Variants in PRRC2B observed in about 807,000 individuals in gnomAD.
The protein encoded by PRRC2B is proline rich coiled-coil 2B, also known as protein PRRC2B.
PRRC2B carries 68 observed loss-of-function variants against 242.3 expected under a neutral mutation model. That is an observed-to-expected ratio of 0.28 (90% CI 0.23 to 0.34). The LOEUF is 0.34. Ranked by LOEUF, PRRC2B falls within the 10% of genes least tolerant of loss-of-function variation. PRRC2B has a pLI of 1.00. For synonymous variants in PRRC2B, 1,228 were observed against 1,173.6 expected (o/e 1.05, Z -0.95); for missense variants, 2,835 against 2,954.8 (o/e 0.96, Z 0.94).
chr9:131,461,208 C>T (rs2131415994), intron 11 of PRRC2B, among the ~76,000 whole-genome samples: 1 of 152,322 alleles, frequency 6.6e-6, no homozygotes, highest in South Asian at 2.1e-4. Flanking sequence ...CTCCCTTGCA[C>T]ATATGCTCTC....
At chr9:131,451,341 A>G (rs913439984) in intron 9 of PRRC2B, among the ~76,000 whole-genome samples, 3 of 152,130 alleles carry the variant, frequency 2.0e-5, no homozygotes, top group Admixed American at 6.5e-5. Context: ...GGAGGTTGCA[A>G]TGAGCCAGGA....
At chr9:131,427,893 C>G (rs1456990232) in intron 1 of PRRC2B, among the ~76,000 whole-genome samples, 1 of 152,162 alleles carries the variant, frequency 6.6e-6, no homozygotes. Context: ...AAGTGATGAT[C>G]ACTTATACAA....
chr9:131,388,239 C>CTT lies in PRRC2B; in HGVS notation c.-56+14526_-56+14527dup, dbSNP rs536012324. On this transcript the variant is annotated intron_variant, in intron 1 of 1. Transcript: ENST00000682525. ...TTAATTTCATCAACTTTTACTTTTA[C>CTT]TTTTTTTTTTTTTTTTTTTAGATGG... Among the ~76,000 whole-genome samples, 97 of 121,096 alleles carry CTT rather than the reference C, an allele frequency of 8.0e-4. 1 individual carries two copies. The highest frequency in any genetic ancestry group is 2.7e-3 in the African/African-American group (93 of 33,896). 79.4% of individuals were successfully genotyped at this position (121,096 alleles called of 152,430 possible).
chr9:131,444,435 G>A (rs1838718739), intron 6 of PRRC2B, 107 bp downstream of exon 6: 4 of 1,220,174 alleles, frequency 3.3e-6, no homozygotes, highest in Non-Finnish European at 4.4e-6. Context: ...TCCGGTTCGA[G>A]CTGGAAACGT....
intron 9 of PRRC2B, 54 bp from the exon 10 acceptor site, chr9:131,455,022 A>G: frequency 1.4e-6 from 2 of 1,419,072 alleles, no homozygotes; most frequent in South Asian, 2.4e-5. Flanking sequence ...ACGTCCGGCC[A>G]CCACTGACTT....
chr9:131,458,269 C>G (rs924223988), intron 10 of PRRC2B, among the ~76,000 whole-genome samples: 1 of 152,098 alleles, frequency 6.6e-6, no homozygotes, highest in African/African-American at 2.4e-5. Context: ...AGGAGACGGA[C>G]ACGCACCTGG....
chr9:131,474,176 A>C (rs1441772671), intron 15 of PRRC2B, among the ~76,000 whole-genome samples: 1 of 152,112 alleles, frequency 6.6e-6, no homozygotes, highest in African/African-American at 2.4e-5. Flanking sequence ...CACCGTACCC[A>C]GCCTGCGGCC....
chr9:131,453,662 G>A (rs1216078782), intron 9 of PRRC2B, among the ~76,000 whole-genome samples: 2 of 152,140 alleles, frequency 1.3e-5, no homozygotes, highest in African/African-American at 4.8e-5. Context: ...CTCCGGAGTA[G>A]CTGGGACTAC....
At position 131,471,056 on chromosome 9, in the gene PRRC2B, GT is replaced by G. The variant is rs1158785831; in HGVS notation, c.2107+75del. The G allele has an allele frequency of 2.5e-5, 27 of 1,095,918 alleles. No homozygotes were observed. The African/African-American group carries it at 4.4e-4, about 18-fold the overall frequency. 67.9% of individuals were successfully genotyped at this position (1,095,918 alleles called of 1,614,324 possible). ...GTGGTGGTCAAGGGTGTCCTCTCGAGTTAAACAGATACACCTGGATTTTGGT... is the reference window on the plus strand; with the variant it reads ...GTGGTGGTCAAGGGTGTCCTCTCGAGTAAACAGATACACCTGGATTTTGGT... On this transcript the variant is annotated intron_variant, in intron 14 of 31. Coordinates refer to ENST00000683519, the MANE Select transcript of PRRC2B (RefSeq NM_013318.4).
chr9:131,377,180 T>G (rs749497138), intron 1 of PRRC2B, among the ~76,000 whole-genome samples: 1 of 152,114 alleles, frequency 6.6e-6, no homozygotes, highest in East Asian at 1.9e-4. Context: ...AGTGGCGCAT[T>G]CGGGGCTCAC....
chr9:131,492,329 C>G (rs529037377), intron 30 of PRRC2B, 69 bp downstream of exon 30: 1 of 1,296,560 alleles, frequency 7.7e-7, no homozygotes, highest in African/African-American at 1.5e-5. Flanking sequence ...CCCAGTGACT[C>G]AGAAGAATCT....
chr9:131,393,657 G>T (rs1836944074), upstream of PRRC2B, among the ~76,000 whole-genome samples: 1 of 152,216 alleles, frequency 6.6e-6, no homozygotes, highest in South Asian at 2.1e-4. Flanking sequence ...AGGGGGAGGG[G>T]GCGGAGATCC....
chr9:131,388,876 C>T (rs1836861587), intron 1 of PRRC2B, among the ~76,000 whole-genome samples: 2 of 140,366 alleles, frequency 1.4e-5, no homozygotes, highest in African/African-American at 2.6e-5. Flanking sequence ...AGTCTCGCTC[C>T]GTTGCCCAGG....
intron 28 of PRRC2B, among the ~76,000 whole-genome samples, chr9:131,488,858 G>A (rs1271793315): frequency 6.6e-6 from 1 of 152,122 alleles, no homozygotes; most frequent in Non-Finnish European, 1.5e-5. Context: ...GTCAACCTGT[G>A]GGCAGTATTT....
At chr9:131,445,274 C>T (rs1349108409) in intron 6 of PRRC2B, among the ~76,000 whole-genome samples, 3 of 152,116 alleles carry the variant, frequency 2.0e-5, no homozygotes, top group Non-Finnish European at 4.4e-5. Flanking sequence ...GATTCTCCTG[C>T]CTCAGGCTCC....
At chr9:131,426,761 T>A (rs1331832675) in intron 1 of PRRC2B, among the ~76,000 whole-genome samples, 1 of 152,176 alleles carries the variant, frequency 6.6e-6, no homozygotes, top group Non-Finnish European at 1.5e-5. Context: ...GCACTTTTGC[T>A]GGTATGTTTC....
rs761568621 is a variant in PRRC2B, at chr9:131,482,046, C to T, written c.4983+238C>T. The stretch of plus-strand genomic sequence containing the variant: ...AAAGGGGTAACAAGGGAGGACCCAA[C>T]GCTGGGTGGGAAGAGGGATTCAGGG... On this transcript the variant is annotated intron_variant, in intron 20 of 31. Transcript: ENST00000683519. This position sits in a 1 kb window ranked among gnomAD's most constrained non-coding sequence, Gnocchi z 5.2. Among the ~76,000 whole-genome samples, 24 of 152,206 alleles carry T rather than the reference C, an allele frequency of 1.6e-4. No homozygotes were observed. Among genetic ancestry groups the T allele is most frequent in the Non-Finnish European group, 3.2e-4 (22 of 68,038 alleles).
intron 1 of PRRC2B, among the ~76,000 whole-genome samples, chr9:131,377,952 C>T (rs1836707758): frequency 6.6e-6 from 1 of 152,116 alleles, no homozygotes; most frequent in African/African-American, 2.4e-5. Flanking sequence ...AATGGCATTT[C>T]CCTCTGTTGC....
Position 131,473,587 on chromosome 9 carries a change from A to G in PRRC2B, c.2187A>G (p.Pro729=), listed in dbSNP as rs760893095. Residue 729 remains proline (P), a synonymous_variant, in exon 15 of 32, where the codon CCA becomes CCG. Transcript: ENST00000683519. ...CTGAGGATCAGAACTGTGTGCCCCC[A>G]CTCCAAGAAAGAAAAGTGACCCCCA... ...CRSEDQNCVP[P]LQERKVTPID... 6.2e-7 allele frequency: 1 copy of G among 1,611,464 alleles called. No individual in the cohort carries two copies. Among genetic ancestry groups the G allele is most frequent in the East Asian group, 2.2e-5 (1 of 44,754 alleles).
Sources: allele counts gnomAD v4.1 joint callset (sites outside exome capture counted in the v4.1 genomes callset), GRCh38; gene constraint gnomAD v4.1.1; non-coding constraint Gnocchi (gnomAD v3.1); transcripts MANE v1.5; gene names NCBI Gene and HGNC (gene_info 2026-07-23, HGNC 2026-07-21).